Variants in CPNE2 observed in about 807,000 individuals in gnomAD.
CPNE2 encodes copine-2.
Under a neutral mutation model 69.7 loss-of-function variants are expected in CPNE2, and 42 were observed. The ratio of observed to expected loss-of-function variants is 0.60; its 90% CI spans 0.47 to 0.78. The LOEUF is 0.78. CPNE2 is among the 30% of genes least tolerant of loss of function. The probability of loss-of-function intolerance (pLI) is 0.00; values close to 1 mark genes in which losing one functional copy is unlikely to be tolerated. For missense variants in CPNE2, 587 were observed against 732.0 expected, an observed-to-expected ratio of 0.80 and a Z score of 2.29; for synonymous variants, 294 against 289.8, an observed-to-expected ratio of 1.01 and a Z score of -0.15.
intron 9 of CPNE2, 101 bp downstream of exon 9, chr16:57,121,861 A>T: frequency 8.9e-7 from 1 of 1,127,310 alleles, no homozygotes; most frequent in Non-Finnish European, 1.3e-6. Flanking sequence ...CCTGTGTTCA[A>T]ATCCCGGCTC....
intron 1 of CPNE2, among the ~76,000 whole-genome samples, chr16:57,098,638 A>G (rs2069593720): frequency 6.6e-6 from 1 of 152,174 alleles, no homozygotes; most frequent in Non-Finnish European, 1.5e-5. Flanking sequence ...CAGAATTCCC[A>G]AATTCTGGAA....
chr16:57,108,924 A>G (rs2069663410), intron 1 of CPNE2, among the ~76,000 whole-genome samples: 1 of 152,308 alleles, frequency 6.6e-6, no homozygotes, highest in Middle Eastern at 3.4e-3. Flanking sequence ...AGGCATATGG[A>G]GGGTTTGTCC....
intron 1 of CPNE2, among the ~76,000 whole-genome samples, chr16:57,101,370 T>C (rs2069612331): frequency 6.6e-6 from 1 of 152,228 alleles, no homozygotes; most frequent in African/African-American, 2.4e-5. Context: ...AATTTAGACC[T>C]GGATGCATTC....
chr16:57,093,477 G>A (rs1452028711), intron 1 of CPNE2, among the ~76,000 whole-genome samples: 1 of 152,096 alleles, frequency 6.6e-6, no homozygotes. Flanking sequence ...AAATAGAGGG[G>A]TCTTACACCC....
intron 15 of CPNE2, 105 bp from the exon 16 acceptor site, chr16:57,147,446 A>G (rs1336228179): frequency 1.7e-5 from 13 of 777,912 alleles, no homozygotes; most frequent in Admixed American, 2.7e-5. Context: ...TTTGTCCTCA[A>G]TGGACACCTG....
Position 57,110,874 on chromosome 16 carries a change from C to T in CPNE2, c.132C>T (p.Ser44=), listed in dbSNP as rs2069677251. ...NLLDRDVTSK[S]DPFCVLFTEN... ...TGGACCGGGATGTTACCTCCAAGTC[C>T]GACCCCTTCTGTGTCCTCTTTACAG... The change falls in exon 2 of 16, where the codon TCC becomes TCT. Residue 44 remains serine, a synonymous_variant. Transcript: ENST00000290776. 1.9e-6 allele frequency: 3 copies of T among 1,613,704 alleles called. No individual in the cohort carries two copies. The highest frequency in any genetic ancestry group is 2.2e-5 in the East Asian group (1 of 44,838).
At chr16:57,138,162 A>G (rs569566342) in intron 14 of CPNE2, among the ~76,000 whole-genome samples, 1 of 152,242 alleles carries the variant, frequency 6.6e-6, no homozygotes, top group Admixed American at 6.5e-5. Context: ...CTTGACTCCA[A>G]TTCCTTTCTG....
At chr16:57,097,595 A>G (rs1383601990) in intron 1 of CPNE2, among the ~76,000 whole-genome samples, 1 of 152,158 alleles carries the variant, frequency 6.6e-6, no homozygotes, top group Non-Finnish European at 1.5e-5. Context: ...GAGGCTAGAG[A>G]GGTTAGGACA....
In CPNE2 at chr16:57,137,043, A is replaced by T. The variant is rs1271587714; in HGVS notation, c.1169-106A>T. ...TCACAAGGCCTATGCTAGCCATGGC[A>T]GGGACATTTTGGGTAAGCATGAAAT... On this transcript the variant is annotated intron_variant, in intron 13 of 15. Transcript: ENST00000290776. The T allele has an allele frequency of 1.8e-5, 26 of 1,478,104 alleles. No individual in the cohort carries two copies. The African/African-American group carries it at 2.6e-4, about 15-fold the overall frequency. 91.6% of individuals were successfully genotyped at this position (1,478,104 alleles called of 1,614,324 possible).
chr16:57,131,994 G>A (rs2069841824), intron 12 of CPNE2, among the ~76,000 whole-genome samples: 2 of 152,190 alleles, frequency 1.3e-5, no homozygotes, highest in African/African-American at 2.4e-5. Context: ...ATTGCCTGGG[G>A]AAGGCACTGG....
intron 4 of CPNE2, among the ~76,000 whole-genome samples, chr16:57,116,444 T>C (rs1294318829): frequency 3.9e-5 from 6 of 152,112 alleles, no homozygotes; most frequent in African/African-American, 1.4e-4. Flanking sequence ...CACTACTCCT[T>C]GGAAGGCTAA....
At chr16:57,107,413 G>A (rs1213823998) in intron 1 of CPNE2, among the ~76,000 whole-genome samples, 1 of 152,210 alleles carries the variant, frequency 6.6e-6, no homozygotes, top group African/African-American at 2.4e-5. Context: ...TGGATCTGGA[G>A]GGGAAGCTGG....
rs2069619156 is a variant in CPNE2 at position 57,102,211 on chromosome 16, A to G, written c.-35-8497A>G. On this transcript the variant is annotated intron_variant, in intron 1 of 15. Coordinates refer to ENST00000290776, the MANE Select transcript of CPNE2 (RefSeq NM_152727.6). ...GAGATCCACCTGCCTCGGCCTCCCA[A>G]AGTGCGGGGATAACAGGAGTGAGCC... Among the ~76,000 whole-genome samples the G allele has an allele frequency of 2.0e-5, 3 of 152,058 alleles. No homozygotes were observed. In the South Asian group the frequency reaches 6.2e-4, roughly 32 times the overall value.
intron 1 of CPNE2, among the ~76,000 whole-genome samples, chr16:57,100,590 C>T (rs2069607145): frequency 6.6e-6 from 1 of 152,214 alleles, no homozygotes; most frequent in Non-Finnish European, 1.5e-5. Flanking sequence ...TGGTATTGGG[C>T]TGGGAGCCAG....
At chr16:57,110,580 A>G (rs2069674354) in intron 1 of CPNE2, 128 bp from the exon 2 acceptor site, 1 of 518,204 alleles carries the variant, frequency 1.9e-6, no homozygotes. Context: ...ATGTTATTTG[A>G]CAACCCGCCT....
At chr16:57,138,027 G>T (rs1193903742) in intron 14 of CPNE2, among the ~76,000 whole-genome samples, 2 of 152,142 alleles carry the variant, frequency 1.3e-5, no homozygotes, top group African/African-American at 4.8e-5. Context: ...TGACCTTGGG[G>T]ACCTGACTGA....
At chr16:57,124,728 T>C in intron 10 of CPNE2, 1 of 248,400 alleles carries the variant, frequency 4.0e-6, no homozygotes, top group Non-Finnish European at 8.2e-6. Flanking sequence ...CTCCCCATGT[T>C]GTCTCACCGT....
intron 12 of CPNE2, 114 bp downstream of exon 12, chr16:57,128,017 C>A: frequency 9.7e-7 from 1 of 1,027,180 alleles, no homozygotes; most frequent in Non-Finnish European, 1.5e-6. Flanking sequence ...CCTGCCTTCC[C>A]TGTGTTCACC....
intron 13 of CPNE2, among the ~76,000 whole-genome samples, chr16:57,135,599 G>T (rs564504454): frequency 6.6e-6 from 1 of 151,840 alleles, no homozygotes; most frequent in East Asian, 1.9e-4. Flanking sequence ...AGATGGGGAG[G>T]GGAAGGGAGG....
Sources: gnomAD v4.1 joint callset for allele counts (sites outside exome capture counted in the v4.1 genomes callset) on GRCh38, gnomAD v4.1.1 for gene constraint, MANE v1.5 for transcripts, NCBI Gene and HGNC (gene_info 2026-07-23, HGNC 2026-07-21) for gene names.